The following AGAP1 variants were observed in gnomAD, a reference collection of about 807,000 sequenced individuals.
The protein encoded by AGAP1 is arf-GAP with GTPase, ANK repeat and PH domain-containing protein 1.
Under a neutral mutation model 105.3 loss-of-function variants are expected in AGAP1, and 29 were observed. The ratio of observed to expected loss-of-function variants is 0.28; its 90% CI spans 0.21 to 0.38. AGAP1 has a LOEUF of 0.38. AGAP1 is among the 10% of genes least tolerant of loss of function. AGAP1 has a pLI of 1.00. For missense variants in AGAP1, 998 were observed against 1,165.1 expected (o/e 0.86, Z 2.09); for synonymous variants, 509 against 485.9 (o/e 1.05, Z -0.63).
At chr2:235,941,297 A>G (rs1370620940) in intron 12 of AGAP1, among the ~76,000 whole-genome samples, 1 of 152,156 alleles carries the variant, frequency 6.6e-6, no homozygotes, top group Admixed American at 6.5e-5. Context: ...ATTAATAGGG[A>G]TTATGTAGAT....
intron 1 of AGAP1, among the ~76,000 whole-genome samples, chr2:235,521,421 T>C (rs1942608259): frequency 1.4e-5 from 2 of 146,754 alleles, no homozygotes; most frequent in Non-Finnish European, 3.0e-5. Flanking sequence ...ATTCAAAGAC[T>C]CTCTCTTTGT....
chr2:235,651,409 G>A, intron 1 of AGAP1, among the ~76,000 whole-genome samples: 1 of 152,020 alleles, frequency 6.6e-6, no homozygotes, highest in South Asian at 2.1e-4. Flanking sequence ...CAAGCTTAAG[G>A]GAAACATATT....
At position 235,842,561 on chromosome 2, in the gene AGAP1, G is replaced by A. The variant is rs1056502943; in HGVS notation, c.1050+35230G>A. On this transcript the variant is annotated intron_variant, in intron 9 of 17. Transcript: ENST00000304032. This position sits in a 1 kb window ranked among gnomAD's most constrained non-coding sequence, Gnocchi z 5.3. ...TGGTGACTGTATTTTGATATGATTG[G>A]TTCTTTTGTAATCCTATGAATTTAA... Among the ~76,000 whole-genome samples, 1 of 152,108 alleles carries A rather than the reference G, an allele frequency of 6.6e-6. No homozygotes were observed. The highest frequency in any genetic ancestry group is 1.5e-5 in the Non-Finnish European group (1 of 68,018).
In AGAP1 at chr2:235,664,051, G is replaced by C. The variant is rs1263092400; in HGVS notation, c.164-45128G>C. On this transcript the variant is annotated intron_variant, in intron 1 of 17. Coordinates refer to ENST00000304032, the MANE Select transcript of AGAP1 (RefSeq NM_001037131.3). The surrounding 1 kb of genome is among the most constrained non-coding windows in gnomAD (Gnocchi z 5.7). The stretch of plus-strand genomic sequence containing the variant: ...CCCTGAGCTCGAAGGCTGAATGGTC[G>C]ATGGGAGCTCCTTTGGTGACTCCGT... 3.3e-5 allele frequency among the ~76,000 whole-genome samples: 5 copies of C among 152,168 alleles called. No homozygotes were observed. The highest frequency in any genetic ancestry group is 1.2e-4 in the African/African-American group (5 of 41,440).
intron 1 of AGAP1, among the ~76,000 whole-genome samples, chr2:235,518,567 A>C (rs1942489929): frequency 6.6e-6 from 1 of 152,144 alleles, no homozygotes; most frequent in South Asian, 2.1e-4. Context: ...GCTGTTTCCC[A>C]CCGTCAGCCT....
At chr2:235,636,575 C>A (rs1947009346) in intron 1 of AGAP1, among the ~76,000 whole-genome samples, 1 of 152,138 alleles carries the variant, frequency 6.6e-6, no homozygotes, top group African/African-American at 2.4e-5. Flanking sequence ...GCGTCCACTC[C>A]CCTAGGCATC....
chr2:235,526,900 A>G (rs1346355286), intron 1 of AGAP1, among the ~76,000 whole-genome samples: 3 of 152,182 alleles, frequency 2.0e-5, no homozygotes, highest in African/African-American at 7.2e-5. Context: ...GCTTCCACAG[A>G]TGGAATGAAA....
chr2:235,799,554 G>T lies in AGAP1; in HGVS notation c.957+32G>T. On this transcript the variant is annotated intron_variant, in intron 8 of 17. Coordinates refer to ENST00000304032, the MANE Select transcript of AGAP1 (RefSeq NM_001037131.3). This position sits in a 1 kb window ranked among gnomAD's most constrained non-coding sequence, Gnocchi z 5.0. The stretch of plus-strand genomic sequence containing the variant: ...GTCAACCCTGGGTGGAGATTTGAAT[G>T]CGATTCCGAAGCGTTCCCATTAACG... The T allele has an allele frequency of 1.2e-6, 2 of 1,608,866 alleles. No individual in the cohort carries two copies. Among genetic ancestry groups the T allele is most frequent in the Non-Finnish European group, 1.7e-6 (2 of 1,175,912 alleles).
rs767276906 is a variant in AGAP1 at position 236,105,669 on chromosome 2, C to T, written c.2115-14523C>T. On this transcript the variant is annotated intron_variant, in intron 16 of 17. Transcript: ENST00000304032. This position sits in a 1 kb window ranked among gnomAD's most constrained non-coding sequence, Gnocchi z 4.2. ...CTCCCGGGTTCACACCATTCTCCCG[C>T]GTTCACGCCATTCTCCCGCGTTCAC... is the stretch of plus-strand genomic sequence containing the variant. 1.7e-5 allele frequency among the ~76,000 whole-genome samples: 1 copy of T among 59,014 alleles called. No homozygotes were observed. Among genetic ancestry groups the T allele is most frequent in the Admixed American group, 1.6e-4 (1 of 6,210 alleles). 38.7% of individuals were successfully genotyped at this position (59,014 alleles called of 152,430 possible).
intron 9 of AGAP1, among the ~76,000 whole-genome samples, chr2:235,878,221 G>C (rs529719019): frequency 6.6e-6 from 1 of 152,198 alleles, no homozygotes; most frequent in African/African-American, 2.4e-5. Flanking sequence ...CACAAACACC[G>C]CGTGCACGTG....
chr2:235,590,674 T>TGC (rs1362499974), intron 1 of AGAP1, among the ~76,000 whole-genome samples: 73 of 103,366 alleles, frequency 7.1e-4, no homozygotes, highest in African/African-American at 2.4e-3. Context: ...AATGTGTGTG[T>TGC]GTGTGTGTGT....
rs1428621706 is a variant in AGAP1, at chr2:236,003,870, T to G, written c.1646-32691T>G. Reference sequence around the variant, plus strand: ...TTCCAAAGAACTTAAAATGAAAGAATATGAGAAAACCCCTAAATAATACAT... The same window carrying G: ...TTCCAAAGAACTTAAAATGAAAGAAGATGAGAAAACCCCTAAATAATACAT... On this transcript the variant is annotated intron_variant, in intron 13 of 17. Coordinates refer to ENST00000304032, the MANE Select transcript of AGAP1 (RefSeq NM_001037131.3). This position sits in a 1 kb window ranked among gnomAD's most constrained non-coding sequence, Gnocchi z 4.2. Among the ~76,000 whole-genome samples, 6 of 151,888 alleles carry G rather than the reference T, an allele frequency of 4.0e-5. No individual in the cohort carries two copies. Among genetic ancestry groups the G allele is most frequent in the Admixed American group, 3.9e-4 (6 of 15,242 alleles).
chr2:235,735,761 A>C (rs1952211059), intron 3 of AGAP1, among the ~76,000 whole-genome samples: 1 of 152,088 alleles, frequency 6.6e-6, no homozygotes, highest in Non-Finnish European at 1.5e-5. Context: ...TACAAGCTCA[A>C]GGGCAAACTA....
At position 235,957,399 on chromosome 2, in the gene AGAP1, G is replaced by A. The variant is rs1317572901; in HGVS notation, c.1484-11063G>A. On this transcript the variant is annotated intron_variant, in intron 12 of 17. Transcript: ENST00000304032. The surrounding 1 kb of genome is among the most constrained non-coding windows in gnomAD (Gnocchi z 4.6). ...CGTTTTTATAACTCAGTCTAACACTGTGTTGTCTTTTCCTTTCGCCAACAC... is the reference window on the plus strand; with the variant it reads ...CGTTTTTATAACTCAGTCTAACACTATGTTGTCTTTTCCTTTCGCCAACAC... Among the ~76,000 whole-genome samples, 3 of 152,156 alleles carry A rather than the reference G, an allele frequency of 2.0e-5. No individual in the cohort carries two copies. The highest frequency in any genetic ancestry group is 4.4e-5 in the Non-Finnish European group (3 of 68,034).
rs1233230278 is a variant in AGAP1 at position 236,123,393 on chromosome 2, A to AT, written c.2371-525dup. Reference sequence around the variant, plus strand: ...GTAAGAAAATGATCACAGTATAGTAATCAATAAAAAATGAAAAAAATACAA... The same window carrying AT: ...GTAAGAAAATGATCACAGTATAGTAATTCAATAAAAAATGAAAAAAATACAA... On this transcript the variant is annotated intron_variant, in intron 17 of 17. Transcript: ENST00000304032. This position sits in a 1 kb window ranked among gnomAD's most constrained non-coding sequence, Gnocchi z 4.6. Among the ~76,000 whole-genome samples the AT allele has an allele frequency of 6.6e-6, 1 of 152,126 alleles. No individual in the cohort carries two copies.
At position 235,981,450 on chromosome 2, in the gene AGAP1, TACAC is replaced by T. The variant is rs10639320; in HGVS notation, c.1645+12848_1645+12851del. 0.094 allele frequency among the ~76,000 whole-genome samples: 13,964 copies of T among 149,196 alleles called. 1,647 individuals carry two copies. The highest frequency in any genetic ancestry group is 0.28 in the African/African-American group (11,354 of 40,774). On this transcript the variant is annotated intron_variant, in intron 13 of 17. Transcript: ENST00000304032. This position sits in a 1 kb window ranked among gnomAD's most constrained non-coding sequence, Gnocchi z 5.5. ...AATTTCTAAGTTCATGTTCCATGCG[TACAC>T]ACACACACACACACACACACGGTGT...
chr2:235,791,799 A>G (rs1956993681), intron 6 of AGAP1, among the ~76,000 whole-genome samples: 2 of 152,184 alleles, frequency 1.3e-5, no homozygotes, highest in South Asian at 4.1e-4. Flanking sequence ...TGCCCGCCTC[A>G]GCCTCCCAAA....
In AGAP1 at chr2:236,090,110, C is replaced by T. The variant is rs1576279986; in HGVS notation, c.2115-30082C>T. Among the ~76,000 whole-genome samples, 1 of 152,176 alleles carries T rather than the reference C, an allele frequency of 6.6e-6. No homozygotes were observed. The highest frequency in any genetic ancestry group is 1.9e-4 in the East Asian group (1 of 5,178). ...CCACTGCTCTCCTCACCTTGCCCTG[C>T]GCGCCTGAGCCCTTCACAGAGACCG... On this transcript the variant is annotated intron_variant, in intron 16 of 17. Coordinates refer to ENST00000304032, the MANE Select transcript of AGAP1 (RefSeq NM_001037131.3). This position sits in a 1 kb window ranked among gnomAD's most constrained non-coding sequence, Gnocchi z 4.3.
intron 9 of AGAP1, among the ~76,000 whole-genome samples, chr2:235,873,841 C>T (rs1047707083): frequency 2.6e-5 from 4 of 152,128 alleles, no homozygotes; most frequent in African/African-American, 7.2e-5. Flanking sequence ...AGTTCTCTCA[C>T]CTCAGCTTCC....
Sources: gnomAD v4.1 joint callset for allele counts (sites outside exome capture counted in the v4.1 genomes callset) on GRCh38, gnomAD v4.1.1 for gene constraint, Gnocchi (gnomAD v3.1) non-coding constraint, MANE v1.5 for transcripts, NCBI Gene and HGNC (gene_info 2026-07-23, HGNC 2026-07-21) for gene names.